INPP4A: variants seen among roughly 807,000 people sequenced by gnomAD.
INPP4A encodes inositol polyphosphate-4-phosphatase, type I, 107kD.
INPP4A carries 33 observed loss-of-function variants against 119.8 expected under a neutral mutation model. The observed-to-expected ratio is 0.28, with a 90% CI of 0.21 to 0.37. INPP4A has a LOEUF of 0.37. INPP4A is among the 10% of genes least tolerant of loss of function. The pLI, the probability that INPP4A is intolerant of heterozygous loss-of-function variation, is 1.00. For synonymous variants in INPP4A, 496 were observed against 500.7 expected (o/e 0.99, Z 0.12); for missense variants, 956 against 1,289.9 (o/e 0.74, Z 3.97).
At chr2:98,446,721 A>G (rs999066449) in intron 1 of INPP4A, among the ~76,000 whole-genome samples, 1 of 152,152 alleles carries the variant, frequency 6.6e-6, no homozygotes, top group Non-Finnish European at 1.5e-5. Flanking sequence ...ATTCTGTCTC[A>G]GGGTGTTTAA....
Position 98,478,033 on chromosome 2 carries a change from C to T in INPP4A, c.-166+32948C>T, listed in dbSNP as rs1241537105. On this transcript the variant is annotated intron_variant, in intron 1 of 24. Coordinates refer to ENST00000409851, the MANE Select transcript of INPP4A (RefSeq NM_001134225.2). ...CGGCCTACAACCTACTGTTATTGTGCGGTGCTGGTCTCCAAACTCCAGGTC... is the reference window on the plus strand; with the variant it reads ...CGGCCTACAACCTACTGTTATTGTGTGGTGCTGGTCTCCAAACTCCAGGTC... 5.9e-5 allele frequency among the ~76,000 whole-genome samples: 9 copies of T among 152,190 alleles called. 1 individual carries two copies. The highest frequency in any genetic ancestry group is 3.8e-4 in the East Asian group (2 of 5,198).
intron 1 of INPP4A, among the ~76,000 whole-genome samples, chr2:98,486,457 A>G (rs893517521): frequency 6.6e-6 from 1 of 152,000 alleles, no homozygotes; most frequent in African/African-American, 2.4e-5. Flanking sequence ...TCACTTTTCC[A>G]CACCTTCCTG....
chr2:98,542,924 CCT>C (rs1238212483), intron 10 of INPP4A, among the ~76,000 whole-genome samples: 1 of 151,662 alleles, frequency 6.6e-6, no homozygotes, highest in African/African-American at 2.4e-5. Context: ...TCAGACAGCT[CCT>C]CTCTTTTTTT....
intron 17 of INPP4A, among the ~76,000 whole-genome samples, chr2:98,561,288 G>C (rs1695427348): frequency 6.6e-6 from 1 of 152,204 alleles, no homozygotes. Flanking sequence ...TTGTTTCACT[G>C]AGCTGATTTT....
intron 11 of INPP4A, among the ~76,000 whole-genome samples, chr2:98,545,650 G>C (rs889856757): frequency 1.3e-5 from 2 of 152,106 alleles, no homozygotes; most frequent in Non-Finnish European, 2.9e-5. Flanking sequence ...CACATTTTTT[G>C]TATCAGATCT....
Position 98,485,985 on chromosome 2 carries a change from T to C in INPP4A, c.-165-32979T>C, listed in dbSNP as rs138280107. On this transcript the variant is annotated intron_variant, in intron 1 of 24. Coordinates refer to ENST00000409851, the MANE Select transcript of INPP4A (RefSeq NM_001134225.2). ...GGAGGGGGCCTCCAGATGAAAAGGTTAAACTAGAGTCAGGCCTGCTTGAAA... is the reference window on the plus strand; with the variant it reads ...GGAGGGGGCCTCCAGATGAAAAGGTCAAACTAGAGTCAGGCCTGCTTGAAA... 5.2e-3 allele frequency among the ~76,000 whole-genome samples: 796 copies of C among 152,316 alleles called. 12 individuals carry two copies. Among genetic ancestry groups the C allele is most frequent in the African/African-American group, 0.018 (740 of 41,564 alleles).
chr2:98,483,499 C>G (rs573333349), intron 1 of INPP4A, among the ~76,000 whole-genome samples: 2 of 152,248 alleles, frequency 1.3e-5, no homozygotes, highest in East Asian at 1.9e-4. Flanking sequence ...CATGTTCCCC[C>G]CCGGTCTTGT....
Position 98,563,567 on chromosome 2 carries a change from A to G in INPP4A, c.1958A>G (p.Gln653Arg). Residue 653 changes from glutamine to arginine, a missense_variant, in exon 18 of 25, where the codon CAG (glutamine) becomes CGG (arginine). By Grantham distance (43) the Gln-to-Arg change is conservative. Around this residue, in one of 2 missense-constraint regions of INPP4A, gnomAD observed 304 missense variants for 492.1 expected, o/e 0.62. Coordinates refer to ENST00000409851, the MANE Select transcript of INPP4A (RefSeq NM_001134225.2). ...AKKAMVFLLM[Q>R]DSAPTIATYL... Reference sequence around the variant, plus strand: ...AAGGCCATGGTATTCCTGCTCATGCAGGACAGCGCGCCCACCATAGCCACC... The same window carrying G: ...AAGGCCATGGTATTCCTGCTCATGCGGGACAGCGCGCCCACCATAGCCACC... The G allele has an allele frequency of 6.2e-7, 1 of 1,613,830 alleles. No individual in the cohort carries two copies. Among genetic ancestry groups the G allele is most frequent in the Non-Finnish European group, 8.5e-7 (1 of 1,179,880 alleles).
At chr2:98,567,970 G>A (rs1178834958) in intron 21 of INPP4A, among the ~76,000 whole-genome samples, 2 of 152,230 alleles carry the variant, frequency 1.3e-5, no homozygotes, top group Admixed American at 6.5e-5. Flanking sequence ...GGACTTCAGA[G>A]CCTGCATTTC....
rs200786121 is a variant in INPP4A, at chr2:98,451,907, G to GTGTC, written c.-166+6823_-166+6826dup. 6.6e-3 allele frequency among the ~76,000 whole-genome samples: 1,007 copies of GTGTC among 152,328 alleles called. 17 individuals carry two copies. Among genetic ancestry groups the GTGTC allele is most frequent in the African/African-American group, 0.023 (942 of 41,560 alleles). Reference sequence around the variant, plus strand: ...CAAGCTTCTCCCTGGATTATGGGGTGTGTCAGTTGGGATGCTTTTGGTTGC... The same window carrying GTGTC: ...CAAGCTTCTCCCTGGATTATGGGGTGTGTCTGTCAGTTGGGATGCTTTTGGTTGC... On this transcript the variant is annotated intron_variant, in intron 1 of 24. Coordinates refer to ENST00000409851, the MANE Select transcript of INPP4A (RefSeq NM_001134225.2).
At chr2:98,517,685 A>G (rs1017453695) in intron 1 of INPP4A, among the ~76,000 whole-genome samples, 1 of 152,254 alleles carries the variant, frequency 6.6e-6, no homozygotes, top group South Asian at 2.1e-4. Context: ...GATGTTCCAG[A>G]ACATTCTTTT....
At chr2:98,573,117 G>T (rs1697777338) in intron 23 of INPP4A, among the ~76,000 whole-genome samples, 190 bp downstream of exon 23, 1 of 152,178 alleles carries the variant, frequency 6.6e-6, no homozygotes, top group African/African-American at 2.4e-5. Context: ...CTTTGGGGCT[G>T]CCTGAATTCT....
intron 1 of INPP4A, among the ~76,000 whole-genome samples, chr2:98,506,609 A>T (rs1684094170): frequency 6.6e-6 from 1 of 152,216 alleles, no homozygotes; most frequent in Admixed American, 6.5e-5. Context: ...CCTTGGCCTG[A>T]GAAGTTCTTG....
chr2:98,499,341 G>C (rs573540459), intron 1 of INPP4A, among the ~76,000 whole-genome samples: 40 of 152,284 alleles, frequency 2.6e-4, no homozygotes, highest in African/African-American at 9.4e-4. Flanking sequence ...AAACAGTGGT[G>C]GTGGATCATC....
chr2:98,487,262 G>A (rs1679751484), intron 1 of INPP4A, among the ~76,000 whole-genome samples: 2 of 152,102 alleles, frequency 1.3e-5, no homozygotes, highest in African/African-American at 4.8e-5. Context: ...TCTGTTCTGG[G>A]ATTCTATCCA....
intron 4 of INPP4A, 63 bp from the exon 5 acceptor site, chr2:98,533,314 A>G (rs1339703884): frequency 1.9e-5 from 19 of 1,022,242 alleles, no homozygotes; most frequent in Non-Finnish European, 2.8e-5. Context: ...ATGTGTTTGG[A>G]ACAGAAAACT....
chr2:98,454,955 T>C (rs972776361), intron 1 of INPP4A, among the ~76,000 whole-genome samples: 2 of 152,192 alleles, frequency 1.3e-5, no homozygotes, highest in Non-Finnish European at 2.9e-5. Flanking sequence ...TGTTAAATGA[T>C]CACATTACAT....
chr2:98,458,058 A>T (rs1449262888), intron 1 of INPP4A, among the ~76,000 whole-genome samples: 1 of 148,980 alleles, frequency 6.7e-6, no homozygotes, highest in Non-Finnish European at 1.5e-5. Context: ...GCCTCAAATG[A>T]TCCTCCTGCC....
intron 2 of INPP4A, chr2:98,519,432 C>T (rs764653287): frequency 6.6e-6 from 1 of 152,386 alleles, no homozygotes; most frequent in Non-Finnish European, 1.5e-5. Context: ...AAGCCTGAGA[C>T]CCAGACACAC....
Sources: gnomAD v4.1 joint callset for allele counts (sites outside exome capture counted in the v4.1 genomes callset) on GRCh38, gnomAD v4.1.1 for gene constraint, gnomAD v4.1.1 regional missense constraint, MANE v1.5 for transcripts, NCBI Gene and HGNC (gene_info 2026-07-23, HGNC 2026-07-21) for gene names.